Variants in ASIC2 observed in about 807,000 individuals in gnomAD.
ASIC2 encodes the protein acid sensing ion channel subunit 2, also known as acid-sensing ion channel 2.
A neutral mutation model predicts 57.3 loss-of-function variants in ASIC2; 25 were observed. The observed-to-expected ratio is 0.44, with a 90% confidence interval of 0.32 to 0.61. The LOEUF is 0.61. ASIC2 is among the 20% of genes least tolerant of loss of function. The pLI is 0.06. For synonymous variants in ASIC2, 319 were observed against 307.5 expected (o/e 1.04, Z -0.39); for missense variants, 641 against 738.1 (o/e 0.87, Z 1.52).
At chr17:33,068,554 C>CAAAACAA (rs1567733337) in intron 3 of ASIC2, among the ~76,000 whole-genome samples, 1 of 151,916 alleles carries the variant, frequency 6.6e-6, no homozygotes, top group Non-Finnish European at 1.5e-5. Context: ...CAAAACAAAA[C>CAAAACAA]AAAACAAAAC....
At chr17:33,704,530 AT>A (rs1044164195) in intron 1 of ASIC2, among the ~76,000 whole-genome samples, 1 of 151,968 alleles carries the variant, frequency 6.6e-6, no homozygotes, top group Admixed American at 6.6e-5. Context: ...TATAAAATAT[AT>A]TTTTTCTTTT....
intron 1 of ASIC2, among the ~76,000 whole-genome samples, chr17:33,311,895 TCCA>T (rs1906439422): frequency 6.6e-6 from 1 of 152,160 alleles, no homozygotes; most frequent in South Asian, 2.1e-4. Flanking sequence ...AGCAAATGGC[TCCA>T]CCATCAGCAA....
chr17:33,478,360 A>G (rs1045112189), intron 1 of ASIC2, among the ~76,000 whole-genome samples: 1 of 152,182 alleles, frequency 6.6e-6, no homozygotes, highest in African/African-American at 2.4e-5. Context: ...TTTCACTTCA[A>G]TGTAACATCA....
At chr17:33,662,409 T>C (rs1019825732) in intron 1 of ASIC2, among the ~76,000 whole-genome samples, 1 of 151,864 alleles carries the variant, frequency 6.6e-6, no homozygotes, top group Non-Finnish European at 1.5e-5. Context: ...TCACTTGAGG[T>C]CAGGAGTTTG....
intron 1 of ASIC2, among the ~76,000 whole-genome samples, chr17:34,098,152 C>A (rs575648156): frequency 6.6e-6 from 1 of 152,068 alleles, no homozygotes; most frequent in South Asian, 2.1e-4. Flanking sequence ...CACAGTCCAG[C>A]GAGGGAGAAA....
At chr17:33,250,524 C>G (rs1413525474) in intron 1 of ASIC2, among the ~76,000 whole-genome samples, 3 of 152,262 alleles carry the variant, frequency 2.0e-5, no homozygotes, top group African/African-American at 7.2e-5. Context: ...GTTCTGCCCC[C>G]AGTCCTGCCG....
chr17:33,763,845 C>G (rs775278812), intron 1 of ASIC2, among the ~76,000 whole-genome samples: 2 of 152,138 alleles, frequency 1.3e-5, no homozygotes, highest in Non-Finnish European at 2.9e-5. Context: ...TATGACTGAT[C>G]CAGGGCCCTT....
At chr17:33,331,296 T>G (rs1407073661) in intron 1 of ASIC2, among the ~76,000 whole-genome samples, 1 of 152,174 alleles carries the variant, frequency 6.6e-6, no homozygotes, top group Non-Finnish European at 1.5e-5. Flanking sequence ...GATCGCTGCT[T>G]TGGACAACAC....
At chr17:33,958,280 G>T (rs1183534642) in intron 1 of ASIC2, among the ~76,000 whole-genome samples, 1 of 152,180 alleles carries the variant, frequency 6.6e-6, no homozygotes, top group Non-Finnish European at 1.5e-5. Flanking sequence ...GAGGATCGTG[G>T]TCCTCTTCTC....
intron 5 of ASIC2, 28 bp from the exon 6 acceptor site, chr17:33,024,042 G>T: frequency 1.2e-6 from 2 of 1,613,686 alleles, no homozygotes; most frequent in Non-Finnish European, 1.7e-6. Flanking sequence ...GTGGGGCTTA[G>T]TCAGGTGTGG....
rs1904738571 is a variant in ASIC2, at chr17:34,156,737, C to T, written c.-205G>A. 2 of 566,698 alleles carry T rather than the reference C, an allele frequency of 3.5e-6. No individual in the cohort carries two copies. Among genetic ancestry groups the T allele is most frequent in the African/African-American group, 1.9e-5 (1 of 53,380 alleles). 35.1% of individuals were successfully genotyped at this position (566,698 alleles called of 1,614,324 possible). On this transcript the variant is annotated 5_prime_UTR_variant, in exon 1 of 10. Transcript: ENST00000359872. This position sits in a 1 kb window ranked among gnomAD's most constrained non-coding sequence, Gnocchi z 4.4. Reference sequence around the variant, plus strand: ...TATATAAAACCCATTCAAACTCTAGCTCTTGATTTTTTCCAGGCGATAAGG... The same window carrying T: ...TATATAAAACCCATTCAAACTCTAGTTCTTGATTTTTTCCAGGCGATAAGG...
At chr17:33,590,963 G>T (rs1349947194) in intron 1 of ASIC2, among the ~76,000 whole-genome samples, 3 of 152,304 alleles carry the variant, frequency 2.0e-5, no homozygotes, top group Admixed American at 6.5e-5. Flanking sequence ...TAGGGTCTGT[G>T]GGGGTAGAGA....
At chr17:33,110,752 A>G (rs1266389001) in intron 2 of ASIC2, among the ~76,000 whole-genome samples, 2 of 152,112 alleles carry the variant, frequency 1.3e-5, no homozygotes, top group Non-Finnish European at 2.9e-5. Context: ...TCTAGAGTCC[A>G]AAGTCAATGG....
chr17:33,446,310 C>T (rs917055375), intron 1 of ASIC2, among the ~76,000 whole-genome samples: 2 of 152,018 alleles, frequency 1.3e-5, no homozygotes, highest in African/African-American at 4.8e-5. Flanking sequence ...ATCCCTGTTA[C>T]AATAGCAGGG....
intron 1 of ASIC2, among the ~76,000 whole-genome samples, chr17:33,361,858 C>G (rs573746799): frequency 6.6e-6 from 1 of 152,352 alleles, no homozygotes; most frequent in South Asian, 2.1e-4. Flanking sequence ...ACTGCCACTT[C>G]AGCCTTCCTC....
At chr17:33,863,893 T>G (rs999959370) in intron 1 of ASIC2, among the ~76,000 whole-genome samples, 2 of 47,018 alleles carry the variant, frequency 4.3e-5, no homozygotes, top group African/African-American at 1.3e-4. Context: ...CAGTTACCTC[T>G]TTTTTTGTTT....
rs558025613 is a variant in ASIC2 at position 33,956,980 on chromosome 17, C to A, written c.555+198998G>T. On this transcript the variant is annotated intron_variant, in intron 1 of 9. Coordinates refer to the ASIC2 transcript ENST00000359872. Reference sequence around the variant, plus strand: ...TGTGGCCACCTGGCCATGGGCCTGGCAGCTGCTGCCCTGACTGCTCACCTG... The same window carrying A: ...TGTGGCCACCTGGCCATGGGCCTGGAAGCTGCTGCCCTGACTGCTCACCTG... Among the ~76,000 whole-genome samples the A allele has an allele frequency of 1.1e-4, 16 of 152,340 alleles. 1 individual carries two copies. The South Asian group carries it at 2.9e-3, about 28-fold the overall frequency.
chr17:33,130,325 A>T (rs888871785), intron 1 of ASIC2, among the ~76,000 whole-genome samples: 1 of 152,134 alleles, frequency 6.6e-6, no homozygotes, highest in African/African-American at 2.4e-5. Context: ...TAAAGGATAG[A>T]AGTGGGCATA....
intron 1 of ASIC2, among the ~76,000 whole-genome samples, chr17:33,337,231 C>T (rs1439278625): frequency 6.6e-6 from 1 of 152,174 alleles, no homozygotes; most frequent in Non-Finnish European, 1.5e-5. Context: ...ATCTAAAAGA[C>T]CTAGTTTCAA....
Sources: gnomAD v4.1 joint callset for allele counts (sites outside exome capture counted in the v4.1 genomes callset) on GRCh38, gnomAD v4.1.1 for gene constraint, Gnocchi (gnomAD v3.1) non-coding constraint, MANE v1.5 for transcripts, NCBI Gene and HGNC (gene_info 2026-07-23, HGNC 2026-07-21) for gene names.